SLC24A3: variants seen among roughly 807,000 people sequenced by gnomAD.
SLC24A3 encodes sodium/potassium/calcium exchanger 3.
SLC24A3 carries 28 observed loss-of-function variants against 75.8 expected under a neutral mutation model. The ratio of observed to expected loss-of-function variants is 0.37; its 90% confidence interval spans 0.27 to 0.51. The LOEUF (loss-of-function observed/expected upper bound fraction) is 0.51. Ranked by LOEUF, SLC24A3 falls within the 20% of genes least tolerant of loss-of-function variation. The pLI is 0.94. For synonymous variants in SLC24A3, 372 were observed against 334.1 expected, an observed-to-expected ratio of 1.11 and a Z score of -1.24; for missense variants, 663 against 847.8, an observed-to-expected ratio of 0.78 and a Z score of 2.71.
chr20:19,515,515 T>G lies in SLC24A3; in HGVS notation c.299T>G (p.Phe100Cys). The change falls in exon 3 of 17, where the codon TTC (phenylalanine) becomes TGC (cysteine). Residue 100 changes from phenylalanine to cysteine, a missense_variant. Phe to Cys is a radical substitution (Grantham distance 205, BLOSUM62 -2). This residue lies in a region of SLC24A3 where 153 missense variants were observed against 144.2 expected (regional missense o/e 1.06). Coordinates refer to ENST00000328041, the MANE Select transcript of SLC24A3 (RefSeq NM_020689.4). ...PALHEFPNDIFTNEDRRQGAV... is the reference protein window; with the variant it reads ...PALHEFPNDICTNEDRRQGAV... ...CTGCATGAATTCCCCAATGACATCT[T>G]CACAAACGAGGATAGAAGACAAGGT... is the stretch of plus-strand genomic sequence containing the variant. 6.2e-7 allele frequency: 1 copy of G among 1,614,188 alleles called. No individual in the cohort carries two copies. Among genetic ancestry groups the G allele is most frequent in the Non-Finnish European group, 8.5e-7 (1 of 1,180,010 alleles).
At chr20:19,364,590 G>T (rs1412513234) in intron 2 of SLC24A3, among the ~76,000 whole-genome samples, 5 of 152,130 alleles carry the variant, frequency 3.3e-5, no homozygotes, top group Admixed American at 3.3e-4. Context: ...GAGTAGCTAG[G>T]ACTACAGGTG....
At chr20:19,594,619 C>T (rs2031427264) in intron 6 of SLC24A3, among the ~76,000 whole-genome samples, 1 of 152,204 alleles carries the variant, frequency 6.6e-6, no homozygotes, top group African/African-American at 2.4e-5. Flanking sequence ...GAAAAAATTA[C>T]ATTCTAGTAG....
intron 3 of SLC24A3, among the ~76,000 whole-genome samples, chr20:19,543,284 G>T (rs946392527): frequency 3.9e-5 from 6 of 152,222 alleles, no homozygotes; most frequent in Non-Finnish European, 5.9e-5. Flanking sequence ...TACTACCCCT[G>T]GAGATGAGCC....
intron 12 of SLC24A3, among the ~76,000 whole-genome samples, chr20:19,687,325 C>T (rs950289766): frequency 6.6e-6 from 1 of 152,200 alleles, no homozygotes; most frequent in African/African-American, 2.4e-5. Flanking sequence ...CCTAATCTCT[C>T]TGGCTCCCCT....
chr20:19,484,948 G>T (rs562127399), intron 2 of SLC24A3, among the ~76,000 whole-genome samples: 1 of 152,216 alleles, frequency 6.6e-6, no homozygotes, highest in East Asian at 1.9e-4. Flanking sequence ...ATAAGCAAAC[G>T]TGCAAATTAG....
chr20:19,671,908 T>C (rs1321828668), intron 8 of SLC24A3, among the ~76,000 whole-genome samples: 2 of 148,932 alleles, frequency 1.3e-5, no homozygotes, highest in African/African-American at 5.0e-5. Flanking sequence ...ACTGAAGGAG[T>C]GGAGGAGGCA....
rs1178278230 is a variant in SLC24A3, at chr20:19,281,020, G to A, written c.204G>A (p.Met68Ile). Residue 68 changes from methionine (M) to isoleucine (I), a missense_variant, in exon 2 of 17, where the codon ATG (methionine) becomes ATA (isoleucine). By Grantham distance (10) the Met-to-Ile change is conservative. Coordinates refer to ENST00000328041, the MANE Select transcript of SLC24A3 (RefSeq NM_020689.4). Reference protein sequence around the residue: ...DRKWMMARKLMQVNDTLTSED... With the variant: ...DRKWMMARKLIQVNDTLTSED... ...AGTGGATGATGGCGAGGAAGCTGAT[G>A]CAGGTGAACGACACTCTGACTTCCG... 1.2e-6 allele frequency: 2 copies of A among 1,614,078 alleles called. No individual in the cohort carries two copies. The highest frequency in any genetic ancestry group is 1.7e-5 in the Admixed American group (1 of 60,008).
intron 2 of SLC24A3, among the ~76,000 whole-genome samples, chr20:19,485,123 A>AT (rs1438887969): frequency 6.6e-6 from 1 of 152,158 alleles, no homozygotes; most frequent in Non-Finnish European, 1.5e-5. Flanking sequence ...ATTTCTGTCA[A>AT]TTTTTTTTAA....
rs532529790 is a variant in SLC24A3 at position 19,654,883 on chromosome 20, G to T, written c.687+747G>T. Among the ~76,000 whole-genome samples, 3 of 152,162 alleles carry T rather than the reference G, an allele frequency of 2.0e-5. No individual in the cohort carries two copies. In the East Asian group the frequency reaches 5.8e-4, roughly 30 times the overall value. On this transcript the variant is annotated intron_variant, in intron 7 of 16. Transcript: ENST00000328041. ...GTTGGTCTCAAACTCCTGACCTCAA[G>T]TGATCTGCCCGTCTCAGCCTCCCAA... is the stretch of plus-strand genomic sequence containing the variant.
intron 3 of SLC24A3, among the ~76,000 whole-genome samples, chr20:19,532,609 A>G (rs1007955439): frequency 2.0e-5 from 3 of 152,218 alleles, no homozygotes; most frequent in African/African-American, 7.2e-5. Flanking sequence ...ACCTTTGGCA[A>G]GCACTCCTGA....
At chr20:19,356,754 G>A (rs1434829225) in intron 2 of SLC24A3, among the ~76,000 whole-genome samples, 1 of 152,052 alleles carries the variant, frequency 6.6e-6, no homozygotes, top group East Asian at 1.9e-4. Flanking sequence ...CTGTTCTCCA[G>A]CATGTTTCTT....
At chr20:19,407,291 G>T (rs1183192145) in intron 2 of SLC24A3, among the ~76,000 whole-genome samples, 6 of 152,190 alleles carry the variant, frequency 3.9e-5, no homozygotes, top group Non-Finnish European at 8.8e-5. Context: ...CCTTTGGATA[G>T]TTGGAAATGC....
At chr20:19,553,669 CTGGCTGA>C (rs2030738148) in intron 3 of SLC24A3, among the ~76,000 whole-genome samples, 1 of 152,132 alleles carries the variant, frequency 6.6e-6, no homozygotes, top group African/African-American at 2.4e-5. Flanking sequence ...TCCATGTCAG[CTGGCTGA>C]TATGGCAACT....
At chr20:19,489,512 C>A (rs914225887) in intron 2 of SLC24A3, among the ~76,000 whole-genome samples, 3 of 152,112 alleles carry the variant, frequency 2.0e-5, no homozygotes, top group East Asian at 3.8e-4. Context: ...TTACTAAATG[C>A]CTGCAATTTG....
At chr20:19,413,702 G>A (rs1439843889) in intron 2 of SLC24A3, among the ~76,000 whole-genome samples, 1 of 152,172 alleles carries the variant, frequency 6.6e-6, no homozygotes, top group African/African-American at 2.4e-5. Context: ...GGAAAAACAT[G>A]TCTCTATGAC....
intron 2 of SLC24A3, among the ~76,000 whole-genome samples, chr20:19,401,503 A>G (rs1986551924): frequency 1.3e-5 from 2 of 152,002 alleles, no homozygotes; most frequent in South Asian, 2.1e-4. Flanking sequence ...GGGATCATCT[A>G]CTTTGGCCCC....
At chr20:19,336,191 A>G (rs774864154) in intron 2 of SLC24A3, among the ~76,000 whole-genome samples, 1 of 152,164 alleles carries the variant, frequency 6.6e-6, no homozygotes, top group Admixed American at 6.5e-5. Flanking sequence ...CCTTTAGGCC[A>G]GGGCTCGGGA....
At chr20:19,354,586 GTA>G (rs781336555) in intron 2 of SLC24A3, among the ~76,000 whole-genome samples, 239 of 129,126 alleles carry the variant, frequency 1.9e-3, no homozygotes, top group Middle Eastern at 7.1e-3. Flanking sequence ...AAAAATTTGT[GTA>G]TGTGTGTGTG....
intron 12 of SLC24A3, among the ~76,000 whole-genome samples, 159 bp downstream of exon 12, chr20:19,685,520 A>G (rs1483698072): frequency 6.6e-6 from 1 of 152,174 alleles, no homozygotes; most frequent in Non-Finnish European, 1.5e-5. Flanking sequence ...ACTTTGTTGT[A>G]GAAGTTCAAA....
Sources: gnomAD v4.1 joint callset for allele counts (sites outside exome capture counted in the v4.1 genomes callset) on GRCh38, gnomAD v4.1.1 for gene constraint, gnomAD v4.1.1 regional missense constraint, MANE v1.5 for transcripts, NCBI Gene and HGNC (gene_info 2026-07-23, HGNC 2026-07-21) for gene names.